The following DMD variants were observed in gnomAD, a reference collection of about 807,000 sequenced individuals.
DMD encodes the protein dystrophin.
A neutral mutation model predicts 330.1 loss-of-function variants in DMD; 63 were observed. The ratio of observed to expected loss-of-function variants is 0.19; its 90% CI spans 0.16 to 0.24. The LOEUF (loss-of-function observed/expected upper bound fraction) is 0.24, where lower values mean the gene tolerates loss of function less well. DMD is among the 10% of genes least tolerant of loss of function. The pLI, the probability that DMD is intolerant of heterozygous loss-of-function variation, is 1.00. For synonymous variants in DMD, 1,223 were observed against 959.8 expected (o/e 1.27, Z -5.07); for missense variants, 3,344 against 2,684.1 (o/e 1.25, Z -5.43).
intron 13 of DMD, 151 bp from the exon 14 acceptor site, chrX:32,573,997 TA>T: frequency 2.0e-6 from 1 of 506,343 alleles, no homozygotes; most frequent in African/African-American, 2.3e-5. Context: ...TACATTTAAA[TA>T]AGTGGTGTGA....
At chrX:32,903,898 C>T (rs751201546) in intron 2 of DMD, among the ~76,000 whole-genome samples, 2 of 111,332 alleles carry the variant, frequency 1.8e-5, no homozygotes, top group East Asian at 5.7e-4. Flanking sequence ...AATATTGACT[C>T]GAATTCAAAC....
chrX:32,161,355 T>C (rs2096848737), intron 44 of DMD, among the ~76,000 whole-genome samples: 1 of 111,579 alleles, frequency 9.0e-6, no homozygotes, highest in African/African-American at 3.3e-5. Flanking sequence ...GCAGGTGCCC[T>C]GGACATCTGG....
At chrX:32,012,911 T>C (rs940895385) in intron 44 of DMD, among the ~76,000 whole-genome samples, 8 of 110,532 alleles carry the variant, frequency 7.2e-5, no homozygotes, top group South Asian at 3.9e-4. Flanking sequence ...TTTCCACTTG[T>C]TAGTTTCTCT....
At chrX:33,125,023 TAAAAAAA>T (rs59232009) in intron 1 of DMD, among the ~76,000 whole-genome samples, 1 of 27,864 alleles carries the variant, frequency 3.6e-5, no homozygotes, top group Admixed American at 5.6e-4. Context: ...AAAGTCCATC[TAAAAAAA>T]AAAAAAAAAA....
At chrX:32,682,974 G>A (rs1253781061) in intron 9 of DMD, among the ~76,000 whole-genome samples, 1 of 111,536 alleles carries the variant, frequency 9.0e-6, no homozygotes, top group Non-Finnish European at 1.9e-5. Flanking sequence ...GCGTTCCCTT[G>A]CTGATTCACA....
intron 38 of DMD, among the ~76,000 whole-genome samples, chrX:32,347,525 G>A (rs748896068): frequency 2.3e-4 from 26 of 111,818 alleles, no homozygotes; most frequent in African/African-American, 8.1e-4. Flanking sequence ...GGGGAGTATT[G>A]ATTGAGGCAG....
chrX:31,987,875 A>G (rs745819413), intron 44 of DMD, among the ~76,000 whole-genome samples: 2 of 112,226 alleles, frequency 1.8e-5, no homozygotes, highest in South Asian at 7.5e-4. Context: ...TATGTCATAG[A>G]GATATCTGCA....
intron 7 of DMD, among the ~76,000 whole-genome samples, chrX:32,706,744 T>G (rs1329555658): frequency 1.8e-5 from 2 of 111,552 alleles, no homozygotes; most frequent in Admixed American, 9.5e-5. Flanking sequence ...CAAATGGAAC[T>G]TATCATGCAG....
chrX:32,486,516 G>C (rs2042486294), intron 20 of DMD, among the ~76,000 whole-genome samples: 1 of 110,427 alleles, frequency 9.1e-6, no homozygotes, highest in African/African-American at 3.3e-5. Context: ...AGTTCATATG[G>C]AACCAAAAAA....
intron 13 of DMD, among the ~76,000 whole-genome samples, chrX:32,592,675 C>T (rs1472077818): frequency 8.9e-6 from 1 of 112,277 alleles, no homozygotes; most frequent in Non-Finnish European, 1.9e-5. Flanking sequence ...GTAACACAAA[C>T]AGGGCTGAAA....
At chrX:32,745,320 T>C in intron 7 of DMD, among the ~76,000 whole-genome samples, 1 of 112,280 alleles carries the variant, frequency 8.9e-6, no homozygotes, top group Middle Eastern at 4.6e-3. Context: ...AGTTGAAACA[T>C]ATATATCCAA....
At chrX:33,169,248 G>T (rs1409889485) in intron 1 of DMD, among the ~76,000 whole-genome samples, 1 of 111,532 alleles carries the variant, frequency 9.0e-6, no homozygotes, top group Non-Finnish European at 1.9e-5. Context: ...AGACACGAAG[G>T]CCTCTGAAAC....
At chrX:31,824,357 G>A (rs2092844226) in intron 49 of DMD, among the ~76,000 whole-genome samples, 1 of 110,425 alleles carries the variant, frequency 9.1e-6, no homozygotes, top group Admixed American at 9.6e-5. Context: ...TTTGCCTCCT[G>A]GGTTCAAGTG....
At chrX:32,879,039 A>AAAACAAAC (rs371655053) in intron 2 of DMD, among the ~76,000 whole-genome samples, 3,369 of 99,481 alleles carry the variant, frequency 0.034, 180 homozygotes, top group East Asian at 0.088. Context: ...AAACAAACAA[A>AAAACAAAC]AAAAAAACAA....
At chrX:31,776,356 T>C (rs759457915) in intron 50 of DMD, among the ~76,000 whole-genome samples, 6 of 109,910 alleles carry the variant, frequency 5.5e-5, no homozygotes, top group African/African-American at 9.9e-5. Flanking sequence ...AAGTGACTTA[T>C]TGAAAATTTG....
rs914659921 is a variant in DMD at position 32,560,513 on chromosome X, C to T, written c.1992+5189G>A. 8.2e-5 allele frequency among the ~76,000 whole-genome samples: 9 copies of T among 110,299 alleles called. No individual in the cohort carries two copies. The South Asian group carries it at 3.1e-3, about 38-fold the overall frequency. ...TTGTTATGGAGGTAAATGTGTGCCA[C>T]GGTGGTATGGTGCACCTACAGACCC... On this transcript the variant is annotated intron_variant, in intron 16 of 78. Transcript: ENST00000357033.
chrX:32,220,279 A>G (rs2097127845), intron 43 of DMD, among the ~76,000 whole-genome samples: 1 of 112,169 alleles, frequency 8.9e-6, no homozygotes, highest in Non-Finnish European at 1.9e-5. Flanking sequence ...AAAATGACTT[A>G]TGCTGTCACT....
chrX:32,842,147 T>C (rs775859008), intron 4 of DMD, among the ~76,000 whole-genome samples: 1 of 111,924 alleles, frequency 8.9e-6, no homozygotes, highest in South Asian at 3.7e-4. Flanking sequence ...GGGAGCCCCA[T>C]TGAGAAAAGA....
intron 63 of DMD, among the ~76,000 whole-genome samples, chrX:31,249,318 T>C (rs893667727): frequency 1.8e-5 from 2 of 111,336 alleles, no homozygotes; most frequent in African/African-American, 6.5e-5. Flanking sequence ...CTTGGCTCAC[T>C]GCAACCCGTG....
Sources: allele counts gnomAD v4.1 joint callset (sites outside exome capture counted in the v4.1 genomes callset), GRCh38; gene constraint gnomAD v4.1.1; transcripts MANE v1.5; gene names NCBI Gene and HGNC (gene_info 2026-07-23, HGNC 2026-07-21).